Variants in DNAH11 observed in about 807,000 individuals in gnomAD.
The protein encoded by DNAH11 is axonemal beta dynein heavy chain 11.
Under a neutral mutation model 526.0 loss-of-function variants are expected in DNAH11, and 442 were observed. That is an observed-to-expected ratio of 0.84 (90% CI 0.78 to 0.91). DNAH11 has a LOEUF of 0.91. Among genes scored for constraint, DNAH11 ranks in the 40% least tolerant of loss-of-function variants. DNAH11 has a pLI of 0.00. For missense variants in DNAH11, 6,989 were observed against 5,448.7 expected (o/e 1.28, Z -8.90); for synonymous variants, 2,461 against 1,935.9 (o/e 1.27, Z -7.12).
chr7:21,703,455 C>T (rs1181461535), intron 37 of DNAH11: 1 of 152,270 alleles, frequency 6.6e-6, no homozygotes, highest in Non-Finnish European at 1.5e-5. Flanking sequence ...ACAGGCTTAA[C>T]AGGAAGCATG....
At chr7:21,665,392 T>C (rs901792994) in intron 30 of DNAH11, among the ~76,000 whole-genome samples, 2 of 152,154 alleles carry the variant, frequency 1.3e-5, no homozygotes, top group Admixed American at 1.3e-4. Context: ...TGTATAGACA[T>C]GTTACATGTA....
In DNAH11 at chr7:21,854,384, A is replaced by C. The variant is rs754541157; in HGVS notation, c.11131A>C (p.Arg3711=). Residue 3711 remains arginine (R), a synonymous_variant, in exon 68 of 82, where the codon AGA becomes CGA. Transcript: ENST00000409508. The stretch of plus-strand genomic sequence containing the variant: ...AGAATGTTACAGACCAGTGGCAGCA[A>C]GAGCATCTCTTCTTTATTTTGTTAT... ...ARECYRPVAA[R]ASLLYFVIND... The C allele has an allele frequency of 5.6e-6, 9 of 1,613,892 alleles. No individual in the cohort carries two copies. In the East Asian group the frequency reaches 2.0e-4, roughly 36 times the overall value.
At chr7:21,820,261 C>A (rs1467681836) in intron 65 of DNAH11, among the ~76,000 whole-genome samples, 5 of 152,128 alleles carry the variant, frequency 3.3e-5, no homozygotes, top group African/African-American at 1.2e-4. Context: ...ACAGACCCTG[C>A]ACTTGAGGAA....
In DNAH11 at chr7:21,894,883, G is replaced by T. The variant is rs1554293484; in HGVS notation, c.12934-1G>T. ...TGTGTGGCTTTTTTTCTCCATGCAAGGGGGAATTGGCATTATCTCCTGCTG... is the reference window on the plus strand; with the variant it reads ...TGTGTGGCTTTTTTTCTCCATGCAATGGGGAATTGGCATTATCTCCTGCTG... On this transcript the variant is annotated splice_acceptor_variant, in intron 78 of 81. Transcript: ENST00000409508. LOFTEE classifies it high-confidence loss of function. 1 of 1,613,896 alleles carries T rather than the reference G, an allele frequency of 6.2e-7. No individual in the cohort carries two copies. Among genetic ancestry groups the T allele is most frequent in the Non-Finnish European group, 8.5e-7 (1 of 1,179,834 alleles).
intron 14 of DNAH11, among the ~76,000 whole-genome samples, chr7:21,599,203 C>T (rs1256378411): frequency 6.6e-6 from 1 of 152,212 alleles, no homozygotes; most frequent in Non-Finnish European, 1.5e-5. Context: ...TTTCTACCAA[C>T]AGTATATAAA....
intron 65 of DNAH11, among the ~76,000 whole-genome samples, chr7:21,822,825 G>A (rs1790110480): frequency 1.3e-5 from 2 of 152,172 alleles, no homozygotes; most frequent in African/African-American, 4.8e-5. Context: ...GTACCTCATT[G>A]TGGTTTTGAT....
intron 69 of DNAH11, among the ~76,000 whole-genome samples, chr7:21,863,383 G>A (rs770628113): frequency 2.0e-5 from 3 of 152,110 alleles, no homozygotes; most frequent in Admixed American, 6.5e-5. Flanking sequence ...GCTGGGGTGC[G>A]GTGGTGCTAT....
intron 73 of DNAH11, among the ~76,000 whole-genome samples, chr7:21,872,649 G>C (rs1783547382): frequency 6.6e-6 from 1 of 152,164 alleles, no homozygotes; most frequent in Admixed American, 6.5e-5. Flanking sequence ...AGAAAAGAAT[G>C]ACAACGGTGG....
intron 65 of DNAH11, among the ~76,000 whole-genome samples, chr7:21,825,223 T>C (rs1258709122): frequency 6.6e-6 from 1 of 152,194 alleles, no homozygotes; most frequent in Non-Finnish European, 1.5e-5. Context: ...TTATTTAGCG[T>C]TCTTATTGAA....
rs1278624759 is a variant in DNAH11 at position 21,839,007 on chromosome 7, GTC to G, written c.10692-3535_10692-3534del. Among the ~76,000 whole-genome samples the G allele has an allele frequency of 5.3e-5, 8 of 152,258 alleles. No homozygotes were observed. The East Asian group carries it at 1.5e-3, about 29-fold the overall frequency. ...CATGTCCTCACCAACACTTGTTACT[GTC>G]TTTGCTTTTTTATTATAGTCATTCT... is the stretch of plus-strand genomic sequence containing the variant. On this transcript the variant is annotated intron_variant, in intron 65 of 81. Transcript: ENST00000409508.
intron 45 of DNAH11, among the ~76,000 whole-genome samples, chr7:21,728,230 C>T (rs1002315794): frequency 3.4e-5 from 5 of 145,654 alleles, no homozygotes; most frequent in African/African-American, 5.2e-5. Context: ...TCCAACAGCC[C>T]ACAATTCTTT....
At chr7:21,845,111 T>G (rs1782369583) in intron 66 of DNAH11, among the ~76,000 whole-genome samples, 1 of 152,230 alleles carries the variant, frequency 6.6e-6, no homozygotes, top group Admixed American at 6.5e-5. Context: ...AGTTCTTGTA[T>G]TCTGAATGTC....
At chr7:21,574,224 G>A (rs56160141) in intron 8 of DNAH11, among the ~76,000 whole-genome samples, 37,246 of 152,064 alleles carry the variant, frequency 0.24, 4,857 homozygotes, top group East Asian at 0.51. Context: ...CTGTCTTTCT[G>A]TGGTGTTTCT....
rs1180027756 is a variant in DNAH11, at chr7:21,543,281, C to G, written c.36C>G (p.Asp12Glu). The G allele has an allele frequency of 6.5e-7, 1 of 1,544,220 alleles. No homozygotes were observed. Among genetic ancestry groups the G allele is most frequent in the African/African-American group, 1.4e-5 (1 of 72,910 alleles). The change falls in exon 1 of 82, where the codon GAC becomes GAG. Residue 12 changes from aspartate to glutamate, a missense_variant. By Grantham distance (45) the Asp-to-Glu change is conservative. Coordinates refer to ENST00000409508, the MANE Select transcript of DNAH11 (RefSeq NM_001277115.2). ...AAQVAAREAR[D>E]FREAPTLRLT... ...AGGTGGCAGCCCGGGAGGCGCGAGA[C>G]TTCAGAGAAGCCCCGACCCTTCGCC...
chr7:21,688,274 G>C (rs1783467490), intron 34 of DNAH11, among the ~76,000 whole-genome samples: 1 of 152,188 alleles, frequency 6.6e-6, no homozygotes, highest in African/African-American at 2.4e-5. Context: ...ATGGGGGAAA[G>C]AAGAGTACCT....
intron 57 of DNAH11, among the ~76,000 whole-genome samples, chr7:21,783,335 T>C (rs1003175855): frequency 2.0e-5 from 3 of 152,212 alleles, no homozygotes; most frequent in African/African-American, 7.2e-5. Context: ...AAAATAATGG[T>C]TAATCAGGAG....
intron 75 of DNAH11, among the ~76,000 whole-genome samples, chr7:21,883,638 T>C (rs1784014137): frequency 6.6e-6 from 1 of 152,226 alleles, no homozygotes; most frequent in Non-Finnish European, 1.5e-5. Context: ...AAACATGTCA[T>C]ACTTCAAAGG....
intron 30 of DNAH11, among the ~76,000 whole-genome samples, chr7:21,668,841 G>A (rs1455545342): frequency 1.3e-5 from 2 of 152,052 alleles, no homozygotes; most frequent in African/African-American, 4.8e-5. Flanking sequence ...TTTCTCCTGG[G>A]TAGAAGCCTA....
chr7:21,783,978 G>A (rs923716467), intron 57 of DNAH11, among the ~76,000 whole-genome samples: 30 of 152,166 alleles, frequency 2.0e-4, no homozygotes, highest in African/African-American at 6.3e-4. Context: ...CTGTTCTTTA[G>A]GAATAGCCAA....
Sources: gnomAD v4.1 joint callset for allele counts (sites outside exome capture counted in the v4.1 genomes callset) on GRCh38, gnomAD v4.1.1 for gene constraint, MANE v1.5 for transcripts, NCBI Gene and HGNC (gene_info 2026-07-23, HGNC 2026-07-21) for gene names.